The following CALN1 variants were observed in gnomAD, a reference collection of about 807,000 sequenced individuals.
The protein encoded by CALN1 is calcium-binding protein 8.
In CALN1, 17 loss-of-function variants were observed where a neutral mutation model predicts 30.6. That is an observed-to-expected ratio of 0.56 (90% CI 0.38 to 0.83). The LOEUF is 0.83. CALN1 is among the 40% of genes least tolerant of loss of function. The pLI is 0.00. For synonymous variants in CALN1, 156 were observed against 131.4 expected (o/e 1.19, Z -1.28); for missense variants, 291 against 354.9 (o/e 0.82, Z 1.45).
intron 4 of CALN1, among the ~76,000 whole-genome samples, chr7:72,102,387 G>A (rs1481951422): frequency 6.6e-6 from 1 of 152,204 alleles, no homozygotes; most frequent in African/African-American, 2.4e-5. Flanking sequence ...GGAGGTTGCA[G>A]TGAGCCAAGA....
intron 2 of CALN1, among the ~76,000 whole-genome samples, chr7:72,397,789 T>C (rs2129561811): frequency 3.4e-5 from 1 of 29,344 alleles, no homozygotes; most frequent in South Asian, 1.1e-3. Flanking sequence ...AGTATTAGCC[T>C]ACCCTTAGGA....
chr7:72,231,192 T>C (rs1042297577), intron 3 of CALN1, among the ~76,000 whole-genome samples: 5 of 152,104 alleles, frequency 3.3e-5, no homozygotes, highest in Admixed American at 3.3e-4. Context: ...TAGGTAAACA[T>C]GCACCATGGT....
intron 2 of CALN1, among the ~76,000 whole-genome samples, chr7:72,324,522 GGC>G (rs1491510266): frequency 6.6e-6 from 1 of 150,648 alleles, no homozygotes; most frequent in African/African-American, 2.5e-5. Context: ...TTTCAGCTCT[GGC>G]TCTCTCTCTC....
intron 4 of CALN1, among the ~76,000 whole-genome samples, chr7:72,056,025 A>G (rs1433642690): frequency 6.6e-6 from 1 of 152,200 alleles, no homozygotes. Context: ...GTCTCAATTA[A>G]AAAATAAAAG....
At chr7:72,370,423 G>A (rs1804161234) in intron 2 of CALN1, among the ~76,000 whole-genome samples, 1 of 152,216 alleles carries the variant, frequency 6.6e-6, no homozygotes, top group East Asian at 1.9e-4. Context: ...GGGAGGCTGA[G>A]GCAGGCGGAT....
At chr7:72,396,085 A>G (rs571589515) in intron 2 of CALN1, among the ~76,000 whole-genome samples, 3 of 151,886 alleles carry the variant, frequency 2.0e-5, no homozygotes, top group African/African-American at 7.2e-5. Flanking sequence ...CAGAGGCTAC[A>G]TTACATGAGG....
intron 1 of CALN1, among the ~76,000 whole-genome samples, chr7:72,403,765 A>G (rs1369567171): frequency 2.0e-5 from 3 of 152,162 alleles, no homozygotes; most frequent in Non-Finnish European, 4.4e-5. Context: ...ATAGCCGCCA[A>G]AGTGATTGCA....
In CALN1 at chr7:71,783,401, A is replaced by T. The variant is rs1050291188; in HGVS notation, c.*4374T>A. ...TGTTATCTTGGTGAAATGGTAAAAA[A>T]TGTAATGACTATGGGCCTTTGGAGA... is the stretch of plus-strand genomic sequence containing the variant. On this transcript the variant is annotated 3_prime_UTR_variant, in exon 7 of 7. Coordinates refer to ENST00000395275, the MANE Select transcript of CALN1 (RefSeq NM_031468.4). The T allele has an allele frequency of 1.2e-4, 18 of 152,234 alleles. No homozygotes were observed. Among genetic ancestry groups the T allele is most frequent in the African/African-American group, 4.3e-4 (18 of 41,462 alleles). The allele number at this position is 152,234 out of a possible 1,614,324, so 9.4% of individuals were successfully genotyped here. A position where few individuals can be genotyped will look rare whatever the true frequency, so the allele number is the denominator to read the frequency against.
At chr7:71,972,183 C>A (rs1265732534) in intron 5 of CALN1, among the ~76,000 whole-genome samples, 2 of 152,154 alleles carry the variant, frequency 1.3e-5, no homozygotes, top group Non-Finnish European at 2.9e-5. Context: ...TTGCATCTCT[C>A]TCTGAAACCT....
chr7:72,220,962 G>A lies in CALN1; in HGVS notation c.244+57724C>T, dbSNP rs377712442. ...GTATTAGCCCTTTGTCAGATGAGTA[G>A]GTTGCAAAAATTTTCTCCCATTTTG... On this transcript the variant is annotated intron_variant, in intron 3 of 6. Coordinates refer to ENST00000395275, the MANE Select transcript of CALN1 (RefSeq NM_031468.4). 2.6e-5 allele frequency among the ~76,000 whole-genome samples: 4 copies of A among 151,512 alleles called. No homozygotes were observed. The East Asian group carries it at 7.7e-4, about 29-fold the overall frequency.
chr7:71,989,040 C>T (rs1477256611), intron 5 of CALN1, among the ~76,000 whole-genome samples: 2 of 152,194 alleles, frequency 1.3e-5, no homozygotes, highest in African/African-American at 2.4e-5. Context: ...TTGCAAGTAT[C>T]AGCCAATTGC....
chr7:71,932,475 G>A (rs1436845758), intron 5 of CALN1, among the ~76,000 whole-genome samples: 1 of 152,004 alleles, frequency 6.6e-6, no homozygotes, highest in Admixed American at 6.6e-5. Flanking sequence ...TGGTAAAATG[G>A]TTTAAACTAT....
chr7:72,311,844 G>C (rs947650709), intron 2 of CALN1, among the ~76,000 whole-genome samples: 5 of 151,796 alleles, frequency 3.3e-5, no homozygotes, highest in Admixed American at 6.6e-5. Flanking sequence ...TGAAGGGTTT[G>C]AATGCCACAA....
At chr7:72,276,380 T>TC (rs888280967) in intron 3 of CALN1, among the ~76,000 whole-genome samples, 11 of 152,170 alleles carry the variant, frequency 7.2e-5, no homozygotes, top group African/African-American at 2.7e-4. Flanking sequence ...AATGTTTGGG[T>TC]CCCCCCAAAA....
At chr7:72,350,185 T>G (rs11764286) in intron 2 of CALN1, among the ~76,000 whole-genome samples, 22,684 of 152,126 alleles carry the variant, frequency 0.15, 2,276 homozygotes, top group East Asian at 0.38. Flanking sequence ...CCAGTAATAT[T>G]TATTGAAAAG....
rs185632791 is a variant in CALN1 at position 72,167,196 on chromosome 7, C to G, written c.245-60902G>C. Among the ~76,000 whole-genome samples the G allele has an allele frequency of 1.3e-3, 192 of 152,150 alleles. 1 individual carries two copies. Among genetic ancestry groups the G allele is most frequent in the Non-Finnish European group, 2.1e-3 (145 of 67,992 alleles). The stretch of plus-strand genomic sequence containing the variant: ...TTGTGTTATTAATTCAGATGGAAAC[C>G]CTTGCACCATGATGCTGCTGAGAAA... On this transcript the variant is annotated intron_variant, in intron 3 of 6. Transcript: ENST00000395275.
intron 5 of CALN1, among the ~76,000 whole-genome samples, chr7:71,987,820 C>A (rs1159076471): frequency 6.6e-6 from 1 of 152,138 alleles, no homozygotes; most frequent in Non-Finnish European, 1.5e-5. Flanking sequence ...TAAGGACAGG[C>A]TCTAGAGTCT....
chr7:72,097,015 T>C (rs1806282580), intron 4 of CALN1, among the ~76,000 whole-genome samples: 1 of 152,146 alleles, frequency 6.6e-6, no homozygotes, highest in African/African-American at 2.4e-5. Context: ...CGTAGGGACA[T>C]GGATGAAGCT....
At chr7:72,480,348 G>T in the CALN1 span, among the ~76,000 whole-genome samples, 1 of 152,104 alleles carries the variant, frequency 6.6e-6, no homozygotes, top group Admixed American at 6.6e-5. Flanking sequence ...TTCATTCTTG[G>T]GATAAACGTT....
Sources: gnomAD v4.1 joint callset for allele counts (sites outside exome capture counted in the v4.1 genomes callset) on GRCh38, gnomAD v4.1.1 for gene constraint, MANE v1.5 for transcripts, NCBI Gene and HGNC (gene_info 2026-07-23, HGNC 2026-07-21) for gene names.